The following SMYD3 variants were observed in gnomAD, a reference collection of about 807,000 sequenced individuals.
SMYD3 encodes the protein histone-lysine N-methyltransferase SMYD3.
A neutral mutation model predicts 57.7 loss-of-function variants in SMYD3; 36 were observed. The ratio of observed to expected loss-of-function variants is 0.62; its 90% CI spans 0.48 to 0.82. The LOEUF (loss-of-function observed/expected upper bound fraction) is 0.82. Ranked by LOEUF, SMYD3 falls within the 40% of genes least tolerant of loss-of-function variation. The pLI is 0.00. For synonymous variants in SMYD3, 211 were observed against 195.0 expected (o/e 1.08, Z -0.68); for missense variants, 515 against 538.8 (o/e 0.96, Z 0.44).
intron 5 of SMYD3, among the ~76,000 whole-genome samples, chr1:246,051,971 A>G (rs2060074168): frequency 6.6e-6 from 1 of 152,248 alleles, no homozygotes; most frequent in African/African-American, 2.4e-5. Context: ...AAAATACCCA[A>G]ATGATTCTAC....
intron 8 of SMYD3, among the ~76,000 whole-genome samples, chr1:245,895,732 A>T (rs1357059901): frequency 3.9e-5 from 6 of 152,204 alleles, no homozygotes; most frequent in Non-Finnish European, 8.8e-5. Context: ...AGCCCAGGTG[A>T]TGTACAGCCC....
intron 5 of SMYD3, among the ~76,000 whole-genome samples, chr1:246,166,299 A>G (rs1361811679): frequency 6.6e-6 from 1 of 152,154 alleles, no homozygotes; most frequent in African/African-American, 2.4e-5. Context: ...TCCTAAAGAA[A>G]AAAAGGTACA....
intron 10 of SMYD3, among the ~76,000 whole-genome samples, chr1:245,805,072 CA>C (rs1472154331): frequency 1.3e-5 from 2 of 151,276 alleles, no homozygotes; most frequent in African/African-American, 4.9e-5. Context: ...TACATGCGTT[CA>C]AGGCCCAAGC....
intron 5 of SMYD3, among the ~76,000 whole-genome samples, chr1:246,309,164 T>G (rs1196408961): frequency 6.6e-6 from 1 of 152,048 alleles, no homozygotes; most frequent in Non-Finnish European, 1.5e-5. Context: ...TAAAAAAAAG[T>G]TAAAAAAAGC....
chr1:246,279,051 A>G (rs1205231378), intron 5 of SMYD3, among the ~76,000 whole-genome samples: 1 of 152,084 alleles, frequency 6.6e-6, no homozygotes, highest in Non-Finnish European at 1.5e-5. Context: ...CTAAAGTGCT[A>G]CTACATGTGA....
At chr1:245,759,715 C>T (rs1169809832) in intron 11 of SMYD3, among the ~76,000 whole-genome samples, 2 of 152,168 alleles carry the variant, frequency 1.3e-5, no homozygotes, top group East Asian at 3.9e-4. Flanking sequence ...GGGTAAAATA[C>T]TGCAATAAAA....
chr1:246,469,389 G>C (rs1224394520), intron 1 of SMYD3, among the ~76,000 whole-genome samples: 1 of 152,212 alleles, frequency 6.6e-6, no homozygotes, highest in African/African-American at 2.4e-5. Context: ...TTTTTTAAAT[G>C]GCTGAAACCA....
At chr1:246,031,723 C>T (rs548276144) in intron 5 of SMYD3, among the ~76,000 whole-genome samples, 85 of 134,674 alleles carry the variant, frequency 6.3e-4, no homozygotes, top group South Asian at 4.2e-3. Context: ...GGCGACAGAG[C>T]GAGACTTTGT....
rs1260469748 is a variant in SMYD3 at position 245,764,079 on chromosome 1, G to C, written c.1147C>G (p.Gln383Glu). 5 of 1,614,034 alleles carry C rather than the reference G, an allele frequency of 3.1e-6. No individual in the cohort carries two copies. Among genetic ancestry groups the C allele is most frequent in the Non-Finnish European group, 4.2e-6 (5 of 1,179,960 alleles). The change falls in exon 11 of 12, where the codon CAA becomes GAA. Residue 383 changes from glutamine (Q) to glutamate (E), a missense_variant. Coordinates refer to ENST00000490107, the MANE Select transcript of SMYD3 (RefSeq NM_001167740.2). ...VMKVGKLQLH[Q>E]GMFPQAMKNL... Reference sequence around the variant, plus strand: ...TTCATTGCTTGGGGAAACATGCCTTGATGTAGCTGCAGTTTGCCAACTTTC... The same window carrying C: ...TTCATTGCTTGGGGAAACATGCCTTCATGTAGCTGCAGTTTGCCAACTTTC...
intron 10 of SMYD3, among the ~76,000 whole-genome samples, chr1:245,838,026 T>C (rs1042371279): frequency 6.6e-6 from 1 of 152,210 alleles, no homozygotes; most frequent in Non-Finnish European, 1.5e-5. Context: ...AAATATGATC[T>C]CTGACTTTTT....
intron 1 of SMYD3, among the ~76,000 whole-genome samples, chr1:246,356,361 T>A (rs1192661532): frequency 6.6e-6 from 1 of 152,024 alleles, no homozygotes; most frequent in Non-Finnish European, 1.5e-5. Flanking sequence ...AGAAAAACAA[T>A]TCTGGTAATA....
intron 5 of SMYD3, among the ~76,000 whole-genome samples, chr1:246,322,989 C>A (rs2065275283): frequency 6.6e-6 from 1 of 152,222 alleles, no homozygotes; most frequent in African/African-American, 2.4e-5. Context: ...TGATATATTT[C>A]CCTCAGGAGG....
chr1:245,764,371 G>T (rs542573474), intron 10 of SMYD3, among the ~76,000 whole-genome samples: 12 of 149,734 alleles, frequency 8.0e-5, no homozygotes, highest in African/African-American at 2.9e-4. Flanking sequence ...GAAAAAAAAT[G>T]ACAGGACTAG....
chr1:246,071,993 C>T (rs538981759), intron 5 of SMYD3, among the ~76,000 whole-genome samples: 4 of 97,288 alleles, frequency 4.1e-5, no homozygotes, highest in African/African-American at 1.5e-4. Flanking sequence ...CCACTGTGCT[C>T]ACTGTGGATG....
intron 5 of SMYD3, among the ~76,000 whole-genome samples, chr1:246,322,916 A>G (rs2148653723): frequency 6.6e-6 from 1 of 152,334 alleles, no homozygotes; most frequent in South Asian, 2.1e-4. Flanking sequence ...TAATTACTAA[A>G]TATAACTGAA....
At chr1:246,504,403 G>A (rs755638912) in intron 1 of SMYD3, among the ~76,000 whole-genome samples, 2 of 152,102 alleles carry the variant, frequency 1.3e-5, no homozygotes, top group Non-Finnish European at 2.9e-5. Flanking sequence ...CCTGCACCGC[G>A]TGTTACTGTA....
At chr1:246,379,774 T>C (rs2066357779) in intron 1 of SMYD3, among the ~76,000 whole-genome samples, 1 of 152,188 alleles carries the variant, frequency 6.6e-6, no homozygotes, top group South Asian at 2.1e-4. Flanking sequence ...CCAAGGCGGA[T>C]GGATCACTTA....
At chr1:245,915,353 G>A (rs944302153) in intron 8 of SMYD3, among the ~76,000 whole-genome samples, 177 bp downstream of exon 8, 5 of 152,048 alleles carry the variant, frequency 3.3e-5, no homozygotes, top group East Asian at 1.9e-4. Flanking sequence ...CAGCTTGGTG[G>A]GTGACAAAAG....
At chr1:245,769,000 A>G (rs1034196536) in intron 10 of SMYD3, among the ~76,000 whole-genome samples, 1 of 152,242 alleles carries the variant, frequency 6.6e-6, no homozygotes, top group Admixed American at 6.5e-5. Flanking sequence ...AAAACATATT[A>G]CTGAACCTGA....
Sources: allele counts gnomAD v4.1 joint callset (sites outside exome capture counted in the v4.1 genomes callset), GRCh38; gene constraint gnomAD v4.1.1; transcripts MANE v1.5; gene names NCBI Gene and HGNC (gene_info 2026-07-23, HGNC 2026-07-21).